The following CAMTA1 variants were observed in gnomAD, a reference collection of about 807,000 sequenced individuals.
The protein encoded by CAMTA1 is calmodulin binding transcription activator 1.
A neutral mutation model predicts 170.9 loss-of-function variants in CAMTA1; 27 were observed. The ratio of observed to expected loss-of-function variants is 0.16; its 90% CI spans 0.12 to 0.22. CAMTA1 has a LOEUF of 0.22. Ranked by LOEUF, CAMTA1 falls within the 10% of genes least tolerant of loss-of-function variation. CAMTA1 has a pLI of 1.00. For missense variants in CAMTA1, 1,619 were observed against 2,217.2 expected (o/e 0.73, Z 5.42); for synonymous variants, 833 against 891.5 (o/e 0.93, Z 1.17).
intron 5 of CAMTA1, among the ~76,000 whole-genome samples, chr1:7,257,731 T>A (rs1667632623): frequency 6.6e-6 from 1 of 152,118 alleles, no homozygotes; most frequent in African/African-American, 2.4e-5. Context: ...TTAGTACAAG[T>A]ATGTCTATAT....
chr1:7,536,640 G>C (rs895586586), intron 6 of CAMTA1, among the ~76,000 whole-genome samples: 14 of 152,120 alleles, frequency 9.2e-5, no homozygotes, highest in Non-Finnish European at 1.8e-4. Flanking sequence ...CTGGGACACC[G>C]GCCCCTGGGT....
intron 4 of CAMTA1, among the ~76,000 whole-genome samples, chr1:7,169,489 T>A (rs1468366236): frequency 2.0e-5 from 3 of 152,158 alleles, no homozygotes; most frequent in Admixed American, 6.5e-5. Flanking sequence ...TAAGTTTTTT[T>A]AATAATTTGT....
At chr1:7,453,806 A>G (rs762198355) in intron 5 of CAMTA1, among the ~76,000 whole-genome samples, 5 of 152,212 alleles carry the variant, frequency 3.3e-5, no homozygotes, top group Non-Finnish European at 5.9e-5. Flanking sequence ...GAGGGAAGGA[A>G]AGGGACGGTG....
intron 3 of CAMTA1, among the ~76,000 whole-genome samples, chr1:7,006,513 GT>G (rs1252617473): frequency 6.6e-6 from 1 of 152,104 alleles, no homozygotes. Context: ...CAAGGCCTGG[GT>G]TCAGAATATT....
chr1:6,813,137 A>G (rs1383620330), intron 1 of CAMTA1, among the ~76,000 whole-genome samples: 1 of 152,196 alleles, frequency 6.6e-6, no homozygotes, highest in Admixed American at 6.5e-5. Context: ...ACTTCTTGAA[A>G]AGTGGTAATA....
chr1:7,483,067 A>G (rs902986952), intron 6 of CAMTA1, among the ~76,000 whole-genome samples: 8 of 152,204 alleles, frequency 5.3e-5, no homozygotes, highest in South Asian at 2.1e-4. Context: ...TGCATTCAAT[A>G]TGTCTCAGCC....
At chr1:7,294,047 A>T (rs752697689) in intron 5 of CAMTA1, among the ~76,000 whole-genome samples, 4 of 152,200 alleles carry the variant, frequency 2.6e-5, no homozygotes, top group Non-Finnish European at 4.4e-5. Flanking sequence ...CCTCATTTCT[A>T]TGCAGAGGGC....
At chr1:7,105,600 C>T (rs1456536184) in intron 4 of CAMTA1, among the ~76,000 whole-genome samples, 1 of 152,202 alleles carries the variant, frequency 6.6e-6, no homozygotes, top group Non-Finnish European at 1.5e-5. Context: ...TTAGTTCATA[C>T]ATCCCAGGGA....
intron 4 of CAMTA1, among the ~76,000 whole-genome samples, chr1:7,156,164 C>T (rs1348816762): frequency 6.6e-6 from 1 of 150,918 alleles, no homozygotes; most frequent in African/African-American, 2.4e-5. Flanking sequence ...ATCCCAGGTA[C>T]TTGGGAGGCT....
At position 7,345,489 on chromosome 1, in the gene CAMTA1, C is replaced by G. The variant is rs552134245; in HGVS notation, c.438+95863C>G. Among the ~76,000 whole-genome samples the G allele has an allele frequency of 4.6e-5, 7 of 152,306 alleles. No individual in the cohort carries two copies. The South Asian group carries it at 1.4e-3, about 32-fold the overall frequency. On this transcript the variant is annotated intron_variant, in intron 5 of 22. Transcript: ENST00000303635. ...GACACATCAGCCATGGTGGGCCCAT[C>G]CTGATAGCCTTTTTGTTTGTACTTT...
chr1:7,694,418 A>G (rs2096352549), intron 11 of CAMTA1: 1 of 152,256 alleles, frequency 6.6e-6, no homozygotes, highest in Admixed American at 6.5e-5. Flanking sequence ...ATTACAGATC[A>G]GTCCACCTAA....
chr1:7,405,507 A>AC (rs2090223536), intron 5 of CAMTA1, among the ~76,000 whole-genome samples: 19 of 151,318 alleles, frequency 1.3e-4, no homozygotes. Flanking sequence ...AATAGTTGAT[A>AC]CTACAGGCAT....
intron 5 of CAMTA1, among the ~76,000 whole-genome samples, chr1:7,310,182 A>AT (rs533555702): frequency 3.9e-5 from 6 of 152,156 alleles, no homozygotes; most frequent in Non-Finnish European, 7.3e-5. Context: ...CCTGAAGGAT[A>AT]TTTTTGCCGA....
At chr1:7,671,983 C>G (rs978961640) in intron 10 of CAMTA1, 4 of 455,932 alleles carry the variant, frequency 8.8e-6, no homozygotes, top group African/African-American at 6.0e-5. Context: ...AAGCCTGTTT[C>G]TAGAGCTCAT....
chr1:6,826,245 G>A (rs1221920091), intron 3 of CAMTA1, among the ~76,000 whole-genome samples: 5 of 152,142 alleles, frequency 3.3e-5, no homozygotes, highest in Non-Finnish European at 7.3e-5. Context: ...AATACTCACT[G>A]GAACCTTACA....
At position 7,635,498 on chromosome 1, in the gene CAMTA1, A is replaced by G. The variant is rs1057353743; in HGVS notation, c.511-4902A>G. Among the ~76,000 whole-genome samples the G allele has an allele frequency of 1.3e-5, 2 of 150,874 alleles. No individual in the cohort carries two copies. Among genetic ancestry groups the G allele is most frequent in the African/African-American group, 4.9e-5 (2 of 40,868 alleles). ...GTGGCGGGCGCCTGTACTCCCAGCT[A>G]CTCCAGAGGCTGAGGCAGGAGAATG... On this transcript the variant is annotated intron_variant, in intron 6 of 22. Coordinates refer to ENST00000303635, the MANE Select transcript of CAMTA1 (RefSeq NM_015215.4). The surrounding 1 kb of genome is among the most constrained non-coding windows in gnomAD (Gnocchi z 4.4).
intron 3 of CAMTA1, among the ~76,000 whole-genome samples, chr1:7,023,955 C>G (rs4908585): frequency 0.26 from 38,391 of 145,828 alleles, 5,071 homozygotes; most frequent in Middle Eastern, 0.35. Context: ...TTGAATCTGG[C>G]GGGGTGGAGC....
intron 5 of CAMTA1, among the ~76,000 whole-genome samples, chr1:7,457,949 C>T (rs1857161): frequency 0.085 from 12,956 of 152,266 alleles, 728 homozygotes; most frequent in Middle Eastern, 0.15. Context: ...CTGTCCCCCA[C>T]GGCCAGAGGC....
chr1:7,723,060 C>T (rs1397350441), intron 11 of CAMTA1, among the ~76,000 whole-genome samples: 4 of 152,080 alleles, frequency 2.6e-5, no homozygotes, highest in Non-Finnish European at 5.9e-5. Flanking sequence ...CTAGCTTTCC[C>T]ATCGAGAAGG....
Sources: allele counts gnomAD v4.1 joint callset (sites outside exome capture counted in the v4.1 genomes callset), GRCh38; gene constraint gnomAD v4.1.1; non-coding constraint Gnocchi (gnomAD v3.1); transcripts MANE v1.5; gene names NCBI Gene and HGNC (gene_info 2026-07-23, HGNC 2026-07-21).